The following C11orf65 variants were observed in gnomAD, a reference collection of about 807,000 sequenced individuals.
C11orf65 encodes the protein chromosome 11 open reading frame 65.
In C11orf65, 38 loss-of-function variants were observed where a neutral mutation model predicts 35.3. That is an observed-to-expected ratio of 1.08 (90% CI 0.83 to 1.41). The LOEUF (loss-of-function observed/expected upper bound fraction) is 1.41, where lower values mean the gene tolerates loss of function less well. Ranked by LOEUF, C11orf65 falls within the 40% of genes most tolerant of loss-of-function variation. The pLI is 0.00. For synonymous variants in C11orf65, 105 were observed against 114.4 expected, an observed-to-expected ratio of 0.92 and a Z score of 0.53; for missense variants, 370 against 367.1, an observed-to-expected ratio of 1.01 and a Z score of -0.06.
chr11:108,414,128 G>T (rs943847916), intron 3 of C11orf65, among the ~76,000 whole-genome samples: 3 of 151,878 alleles, frequency 2.0e-5, no homozygotes, highest in African/African-American at 7.2e-5. Flanking sequence ...GAAACAAAAA[G>T]CTGGTTTGAA....
In C11orf65 at chr11:108,361,649, C is replaced by G. The variant is rs577734706; in HGVS notation, c.227-26357G>C. Among the ~76,000 whole-genome samples, 793 of 151,802 alleles carry G rather than the reference C, an allele frequency of 5.2e-3. 8 individuals are homozygous for G. The highest frequency in any genetic ancestry group is 0.018 in the African/African-American group (763 of 41,430). ...AGCCCTTAGAAATAACGCCGCATGTCTACAACTATCTGATCTTTGACAAAC... is the reference window on the plus strand; with the variant it reads ...AGCCCTTAGAAATAACGCCGCATGTGTACAACTATCTGATCTTTGACAAAC... On this transcript the variant is annotated intron_variant, in intron 2 of 3. Coordinates refer to the C11orf65 transcript ENST00000524755.
chr11:108,433,208 G>C (rs1353324656), intron 2 of C11orf65, among the ~76,000 whole-genome samples: 1 of 151,436 alleles, frequency 6.6e-6, no homozygotes, highest in Admixed American at 6.6e-5. Flanking sequence ...TGTAATCCCA[G>C]CACTTTGGAG....
downstream of C11orf65, chr11:108,330,189 T>C (rs2136449719): frequency 6.2e-7 from 1 of 1,605,206 alleles, no homozygotes; most frequent in East Asian, 2.2e-5. Context: ...GGCTTTTGTG[T>C]TTTACCTTAA....
intron 2 of C11orf65, chr11:108,356,200 G>C (rs73008269): frequency 6.6e-6 from 1 of 151,968 alleles, no homozygotes; most frequent in Admixed American, 6.6e-5. Context: ...CAATAATGTC[G>C]AAATTAAACT....
chr11:108,431,039 A>G (rs1415273518), intron 3 of C11orf65, among the ~76,000 whole-genome samples: 1 of 152,174 alleles, frequency 6.6e-6, no homozygotes, highest in African/African-American at 2.4e-5. Context: ...GAGAATGTAA[A>G]GCACTAAGAA....
chr11:108,409,539 G>T (rs1183974337), intron 3 of C11orf65, among the ~76,000 whole-genome samples: 4 of 152,156 alleles, frequency 2.6e-5, no homozygotes, highest in Non-Finnish European at 5.9e-5. Context: ...GCAATATGTG[G>T]TATGATGCTC....
At chr11:108,341,930 TG>T (rs769241148) in intron 2 of C11orf65, among the ~76,000 whole-genome samples, 66 of 152,186 alleles carry the variant, frequency 4.3e-4, no homozygotes, top group Non-Finnish European at 8.5e-4. Context: ...TTAACCGAGG[TG>T]AAGATGTATC....
At chr11:108,361,505 A>G (rs1371805821) in intron 2 of C11orf65, among the ~76,000 whole-genome samples, 3 of 152,066 alleles carry the variant, frequency 2.0e-5, no homozygotes, top group African/African-American at 7.2e-5. Flanking sequence ...TCCTAAGCCA[A>G]AAGAACAAAG....
chr11:108,372,598 A>C (rs1284199814), intron 2 of C11orf65, among the ~76,000 whole-genome samples: 1 of 152,246 alleles, frequency 6.6e-6, no homozygotes, highest in African/African-American at 2.4e-5. Flanking sequence ...GATTTATTTT[A>C]AATCATTGCA....
chr11:108,439,905 T>C (rs888644256), intron 2 of C11orf65, among the ~76,000 whole-genome samples: 1 of 152,192 alleles, frequency 6.6e-6, no homozygotes, highest in African/African-American at 2.4e-5. Context: ...CACAACATTA[T>C]GAATATACTT....
intron 2 of C11orf65, 68 bp from the exon 3 acceptor site, chr11:108,431,906 A>G: frequency 1.1e-6 from 1 of 897,298 alleles, no homozygotes; most frequent in Non-Finnish European, 1.7e-6. Flanking sequence ...CTTTTTGTCT[A>G]ATCAGGGCAA....
chr11:108,411,448 T>A (rs2092655126), intron 3 of C11orf65, among the ~76,000 whole-genome samples: 1 of 152,230 alleles, frequency 6.6e-6, no homozygotes, highest in Non-Finnish European at 1.5e-5. Flanking sequence ...TGCAAAACTG[T>A]AGACATTTTG....
chr11:108,409,992 G>T (rs533837170), intron 3 of C11orf65, among the ~76,000 whole-genome samples: 2 of 152,256 alleles, frequency 1.3e-5, no homozygotes, highest in South Asian at 4.2e-4. Flanking sequence ...AGTTAAATTG[G>T]TAAGTTATGT....
At chr11:108,315,772 A>G (rs372978004) in intron 6 of C11orf65, 28 of 1,467,898 alleles carry the variant, frequency 1.9e-5, no homozygotes, top group Admixed American at 3.4e-5. Context: ...TGCTAAATTT[A>G]TAGACCGATT....
chr11:108,453,792 A>T (rs2135686552), intron 2 of C11orf65, among the ~76,000 whole-genome samples: 1 of 152,286 alleles, frequency 6.6e-6, no homozygotes, highest in East Asian at 1.9e-4. Context: ...TGTGCTGTTA[A>T]ATTCAGTTTG....
At chr11:108,446,195 T>G (rs2093254543) in intron 2 of C11orf65, among the ~76,000 whole-genome samples, 1 of 151,770 alleles carries the variant, frequency 6.6e-6, no homozygotes, top group African/African-American at 2.4e-5. Context: ...GGAACCAAGT[T>G]GGAAAACACT....
At chr11:108,365,462 C>A (rs2137925225) in intron 2 of C11orf65, 1 of 1,614,122 alleles carries the variant, frequency 6.2e-7, no homozygotes, top group Non-Finnish European at 8.5e-7. Flanking sequence ...GCCATAGACC[C>A]CAAAAATCTC....
chr11:108,462,052 T>C (rs2093479628), intron 1 of C11orf65, among the ~76,000 whole-genome samples: 1 of 152,206 alleles, frequency 6.6e-6, no homozygotes, highest in Admixed American at 6.5e-5. Context: ...GTCACCTTCT[T>C]ATTTTTTAAG....
intron 1 of C11orf65, among the ~76,000 whole-genome samples, chr11:108,465,677 T>C (rs971260714): frequency 6.7e-6 from 1 of 150,100 alleles, no homozygotes; most frequent in Non-Finnish European, 1.5e-5. Context: ...TGAGAATGGA[T>C]TAAAGGTTTT....
Sources: gnomAD v4.1 joint callset for allele counts (sites outside exome capture counted in the v4.1 genomes callset) on GRCh38, gnomAD v4.1.1 for gene constraint, MANE v1.5 for transcripts, NCBI Gene and HGNC (gene_info 2026-07-23, HGNC 2026-07-21) for gene names.